Variants in OLA1 observed in about 807,000 individuals in gnomAD.
OLA1 encodes the protein Obg like ATPase 1.
A neutral mutation model predicts 48.4 loss-of-function variants in OLA1; 14 were observed. The ratio of observed to expected loss-of-function variants is 0.29; its 90% CI spans 0.19 to 0.45. The LOEUF is 0.45. OLA1 is among the 20% of genes least tolerant of loss of function. The pLI is 1.00. For synonymous variants in OLA1, 127 were observed against 150.4 expected (o/e 0.84, Z 1.14); for missense variants, 325 against 467.1 (o/e 0.70, Z 2.80).
chr2:174,235,688 G>A (rs1282221283), intron 2 of OLA1, among the ~76,000 whole-genome samples: 1 of 152,180 alleles, frequency 6.6e-6, no homozygotes. Flanking sequence ...GGCCAAGGCA[G>A]CTAGAATTTA....
At chr2:174,245,541 C>A (rs984414099) in intron 2 of OLA1, among the ~76,000 whole-genome samples, 1 of 152,192 alleles carries the variant, frequency 6.6e-6, no homozygotes, top group South Asian at 2.1e-4. Flanking sequence ...TATTAGTACA[C>A]CCTAATCACT....
intron 4 of OLA1, among the ~76,000 whole-genome samples, chr2:174,163,722 A>T (rs1390118347): frequency 2.6e-4 from 2 of 7,608 alleles, no homozygotes; most frequent in African/African-American, 1.2e-3. Flanking sequence ...ATATATATAT[A>T]TATATATATA....
At chr2:174,232,032 C>A (rs1438262611) in intron 2 of OLA1, among the ~76,000 whole-genome samples, 1 of 152,058 alleles carries the variant, frequency 6.6e-6, no homozygotes, top group Non-Finnish European at 1.5e-5. Context: ...GAGAAAGATT[C>A]AAAGTTGTAG....
chr2:174,165,316 T>C (rs544196358), intron 4 of OLA1, among the ~76,000 whole-genome samples: 2 of 152,250 alleles, frequency 1.3e-5, no homozygotes, highest in South Asian at 2.1e-4. Flanking sequence ...AAAACAAATA[T>C]GTTTAAGGAA....
chr2:174,109,220 G>A (rs1368173693), intron 7 of OLA1, among the ~76,000 whole-genome samples: 1 of 152,122 alleles, frequency 6.6e-6, no homozygotes, highest in African/African-American at 2.4e-5. Context: ...GGCTAAGAAT[G>A]TTTAATCAGC....
chr2:174,163,716 ATATAT>A (rs1687072632), intron 4 of OLA1, among the ~76,000 whole-genome samples: 3 of 17,994 alleles, frequency 1.7e-4, no homozygotes, highest in African/African-American at 6.1e-4. Context: ...AAATAAATAT[ATATAT>A]ATATATATAT....
intron 7 of OLA1, among the ~76,000 whole-genome samples, chr2:174,106,234 A>C (rs1306355361): frequency 1.3e-5 from 2 of 152,080 alleles, no homozygotes; most frequent in Admixed American, 1.3e-4. Flanking sequence ...ATTCATCCCA[A>C]TCTGGTAAAC....
intron 4 of OLA1, among the ~76,000 whole-genome samples, chr2:174,179,158 G>T (rs1687478335): frequency 6.6e-6 from 1 of 151,762 alleles, no homozygotes; most frequent in Non-Finnish European, 1.5e-5. Flanking sequence ...TCTTTTAACT[G>T]TAAGTAGTTT....
chr2:174,139,552 A>C (rs776865887), intron 5 of OLA1, among the ~76,000 whole-genome samples: 75 of 152,346 alleles, frequency 4.9e-4, no homozygotes, highest in Non-Finnish European at 7.8e-4. Flanking sequence ...GTTTTACTTC[A>C]GACAGCAAGA....
At chr2:174,096,086 A>G (rs1685249503) in intron 7 of OLA1, among the ~76,000 whole-genome samples, 1 of 152,244 alleles carries the variant, frequency 6.6e-6, no homozygotes, top group Non-Finnish European at 1.5e-5. Context: ...ATATCCATAC[A>G]ACAGAATATT....
intron 2 of OLA1, among the ~76,000 whole-genome samples, chr2:174,243,683 C>T (rs932178118): frequency 2.6e-5 from 4 of 152,100 alleles, no homozygotes; most frequent in African/African-American, 9.7e-5. Context: ...AGGGGAATGT[C>T]AAACCACTTA....
intron 4 of OLA1, among the ~76,000 whole-genome samples, chr2:174,193,997 C>T (rs1392901150): frequency 2.6e-5 from 4 of 152,190 alleles, no homozygotes; most frequent in African/African-American, 9.7e-5. Context: ...AGTAGACACA[C>T]ACACGTGCAC....
At chr2:174,117,651 A>G (rs1352974023) in intron 7 of OLA1, among the ~76,000 whole-genome samples, 2 of 152,160 alleles carry the variant, frequency 1.3e-5, no homozygotes, top group African/African-American at 2.4e-5. Context: ...AGAACGGTAG[A>G]GACAAATAAT....
chr2:174,078,331 G>A (rs890346793), intron 10 of OLA1, among the ~76,000 whole-genome samples: 23 of 151,866 alleles, frequency 1.5e-4, no homozygotes, highest in African/African-American at 5.6e-4. Flanking sequence ...ATTTCTCTAA[G>A]TAACATCTAA....
At chr2:174,199,353 C>T (rs1238592921) in intron 4 of OLA1, among the ~76,000 whole-genome samples, 3 of 152,166 alleles carry the variant, frequency 2.0e-5, no homozygotes, top group East Asian at 1.9e-4. Context: ...CCCATGTTCC[C>T]AATTCCCTGA....
intron 3 of OLA1, 74 bp downstream of exon 3, chr2:174,229,234 C>G: frequency 4.2e-6 from 6 of 1,412,254 alleles, no homozygotes; most frequent in Non-Finnish European, 5.9e-6. Flanking sequence ...AAAAGAAAAA[C>G]TCTTCTATAT....
chr2:174,141,330 C>T (rs532512740), intron 5 of OLA1, among the ~76,000 whole-genome samples: 3 of 152,346 alleles, frequency 2.0e-5, no homozygotes, highest in African/African-American at 2.4e-5. Context: ...TACTAATAAT[C>T]ATTCATTATA....
intron 7 of OLA1, among the ~76,000 whole-genome samples, chr2:174,082,925 G>A (rs984018982): frequency 6.6e-6 from 1 of 151,996 alleles, no homozygotes; most frequent in Non-Finnish European, 1.5e-5. Flanking sequence ...TACTGGGCAG[G>A]TTACTGAACG....
chr2:174,101,734 A>G lies in OLA1; in HGVS notation c.729-19670T>C, dbSNP rs7583941. 1.9e-3 allele frequency among the ~76,000 whole-genome samples: 294 copies of G among 152,338 alleles called. 1 individual carries two copies. Among genetic ancestry groups the G allele is most frequent in the African/African-American group, 6.7e-3 (280 of 41,578 alleles). On this transcript the variant is annotated intron_variant, in intron 7 of 10. Coordinates refer to ENST00000284719, the MANE Select transcript of OLA1 (RefSeq NM_013341.5). Reference sequence around the variant, plus strand: ...GTTAGGAGGCAGTTACCTAATTTCAAAATGAAGTGATGCAGTTTTAGTCTT... The same window carrying G: ...GTTAGGAGGCAGTTACCTAATTTCAGAATGAAGTGATGCAGTTTTAGTCTT...
Sources: gnomAD v4.1 joint callset for allele counts (sites outside exome capture counted in the v4.1 genomes callset) on GRCh38, gnomAD v4.1.1 for gene constraint, MANE v1.5 for transcripts, NCBI Gene and HGNC (gene_info 2026-07-23, HGNC 2026-07-21) for gene names.